The following CCSER1 variants were observed in gnomAD, a reference collection of about 807,000 sequenced individuals.
CCSER1 encodes the protein serine-rich coiled-coil domain-containing protein 1.
In CCSER1, 41 loss-of-function variants were observed where a neutral mutation model predicts 82.0. That is an observed-to-expected ratio of 0.50 (90% CI 0.39 to 0.65). The LOEUF (loss-of-function observed/expected upper bound fraction) is 0.65. Among genes scored for constraint, CCSER1 ranks in the 30% least tolerant of loss-of-function variants. CCSER1 has a pLI of 0.00. For synonymous variants in CCSER1, 414 were observed against 383.9 expected, an observed-to-expected ratio of 1.08 and a Z score of -0.92; for missense variants, 1,119 against 1,064.2, an observed-to-expected ratio of 1.05 and a Z score of -0.72.
rs569257026 is a variant in CCSER1, at chr4:90,826,760, A to G, written c.2094+10915A>G. Among the ~76,000 whole-genome samples the G allele has an allele frequency of 2.6e-5, 4 of 152,318 alleles. No homozygotes were observed. In the South Asian group the frequency reaches 8.3e-4, roughly 32 times the overall value. On this transcript the variant is annotated intron_variant, in intron 8 of 10. Transcript: ENST00000509176. ...GATTTATAAATTACAGAGAGATTACAAACATATTAGTGGTATAAAATAGGA... is the reference window on the plus strand; with the variant it reads ...GATTTATAAATTACAGAGAGATTACGAACATATTAGTGGTATAAAATAGGA...
chr4:91,095,604 A>ATGT (rs1724430096), intron 10 of CCSER1, among the ~76,000 whole-genome samples: 1 of 152,312 alleles, frequency 6.6e-6, no homozygotes, highest in Middle Eastern at 3.4e-3. Flanking sequence ...AACTAAGGCC[A>ATGT]TGTTAATCAT....
intron 10 of CCSER1, among the ~76,000 whole-genome samples, chr4:91,180,411 G>A (rs1191176478): frequency 6.6e-6 from 1 of 152,234 alleles, no homozygotes; most frequent in African/African-American, 2.4e-5. Flanking sequence ...CCCAGAGGTG[G>A]AGTCTACAGA....
chr4:90,864,638 T>TTA (rs1491116004), intron 8 of CCSER1, among the ~76,000 whole-genome samples: 1 of 152,024 alleles, frequency 6.6e-6, no homozygotes, highest in Non-Finnish European at 1.5e-5. Flanking sequence ...TGGTATTCTC[T>TTA]TATAGCAGCA....
At position 90,861,922 on chromosome 4, in the gene CCSER1, A is replaced by ATTTT. The variant is rs1265943061; in HGVS notation, c.2094+46078_2094+46079insTTTT. Among the ~76,000 whole-genome samples the ATTTT allele has an allele frequency of 9.7e-4, 99 of 102,244 alleles. 1 individual carries two copies. The South Asian group carries it at 0.01, about 11-fold the overall frequency. The allele number at this position is 102,244 out of a possible 152,430, so 67.1% of individuals were successfully genotyped here. ...TGATGACTCATATATATATATATAT[A>ATTTT]TATATTTTTTTTTTCTGTTAGACTA... On this transcript the variant is annotated intron_variant, in intron 8 of 10. Coordinates refer to ENST00000509176, the MANE Select transcript of CCSER1 (RefSeq NM_001145065.2).
Position 90,461,622 on chromosome 4 carries a change from A to G in CCSER1, c.1604-6612A>G, listed in dbSNP as rs73833398. Among the ~76,000 whole-genome samples the G allele has an allele frequency of 2.2e-3, 333 of 152,046 alleles. 1 individual carries two copies. The highest frequency in any genetic ancestry group is 7.6e-3 in the African/African-American group (314 of 41,452). ...ATATATAACATTTTCTCATATCTCA[A>G]TGCCTTTTAGCACACTCTTTCCTGT... On this transcript the variant is annotated intron_variant, in intron 4 of 10. Transcript: ENST00000509176.
intron 5 of CCSER1, among the ~76,000 whole-genome samples, chr4:90,600,836 A>C (rs1054320256): frequency 6.6e-6 from 1 of 152,024 alleles, no homozygotes. Context: ...ATTTAGTCTT[A>C]GTGTCCATGA....
At chr4:90,466,877 TAA>T (rs939729381) in intron 4 of CCSER1, among the ~76,000 whole-genome samples, 72 of 152,296 alleles carry the variant, frequency 4.7e-4, no homozygotes, top group African/African-American at 1.6e-3. Flanking sequence ...CCAATATAAA[TAA>T]GTTTGTGCAC....
At position 91,185,532 on chromosome 4, in the gene CCSER1, G is replaced by A. The variant is rs116733528; in HGVS notation, c.2217+99538G>A. On this transcript the variant is annotated intron_variant, in intron 10 of 10. Transcript: ENST00000509176. ...AGCATAAATCTACTGCAGTGCTACC[G>A]GCTGTGGCGGGAGACAGACATTGTA... Among the ~76,000 whole-genome samples, 1,007 of 152,288 alleles carry A rather than the reference G, an allele frequency of 6.6e-3. 6 individuals are homozygous for A. Among genetic ancestry groups the A allele is most frequent in the African/African-American group, 0.02 (852 of 41,564 alleles).
At chr4:91,241,605 C>T (rs548227745) in intron 10 of CCSER1, among the ~76,000 whole-genome samples, 120 of 152,160 alleles carry the variant, frequency 7.9e-4, no homozygotes, top group Non-Finnish European at 1.3e-3. Context: ...GGATTACAGA[C>T]ATGAGGCACC....
chr4:91,597,806 A>T (rs550095755), intron 10 of CCSER1, among the ~76,000 whole-genome samples: 1 of 152,028 alleles, frequency 6.6e-6, no homozygotes, highest in Non-Finnish European at 1.5e-5. Flanking sequence ...CTCAGTTTTT[A>T]CCTCAATGTG....
At chr4:91,468,556 A>C (rs1278114019) in intron 10 of CCSER1, among the ~76,000 whole-genome samples, 2 of 152,080 alleles carry the variant, frequency 1.3e-5, no homozygotes, top group African/African-American at 4.8e-5. Flanking sequence ...CCATAGGAAT[A>C]GTTTTTTTTG....
chr4:90,179,439 C>T (rs1733319671), intron 1 of CCSER1, among the ~76,000 whole-genome samples: 1 of 152,164 alleles, frequency 6.6e-6, no homozygotes, highest in Non-Finnish European at 1.5e-5. Flanking sequence ...GTAGCCTAGG[C>T]TGGAGTGCAG....
At chr4:90,447,776 T>C (rs9995681) in intron 4 of CCSER1, among the ~76,000 whole-genome samples, 456 of 152,258 alleles carry the variant, frequency 3.0e-3, no homozygotes, top group African/African-American at 0.011. Context: ...TCATAACAGC[T>C]GACACACATG....
At chr4:91,378,108 T>C (rs1280193597) in intron 10 of CCSER1, among the ~76,000 whole-genome samples, 2 of 152,216 alleles carry the variant, frequency 1.3e-5, no homozygotes, top group African/African-American at 4.8e-5. Context: ...CATTGGTCTA[T>C]ATCTCTGTTG....
At chr4:90,188,016 C>T (rs6829376) in intron 1 of CCSER1, among the ~76,000 whole-genome samples, 38,370 of 151,756 alleles carry the variant, frequency 0.25, 6,757 homozygotes, top group East Asian at 0.64. Flanking sequence ...TTTCCTACCA[C>T]GTATATTCAT....
intron 5 of CCSER1, among the ~76,000 whole-genome samples, chr4:90,567,205 T>A (rs1779505906): frequency 6.6e-6 from 1 of 152,132 alleles, no homozygotes; most frequent in Non-Finnish European, 1.5e-5. Flanking sequence ...CTTTCTCATT[T>A]TTTGATGTCG....
intron 5 of CCSER1, among the ~76,000 whole-genome samples, chr4:90,494,554 T>C (rs1438605413): frequency 6.6e-6 from 1 of 152,158 alleles, no homozygotes; most frequent in Non-Finnish European, 1.5e-5. Context: ...TCATGAGAGT[T>C]TGGTCACCTT....
At chr4:90,623,788 G>C (rs988308330) in intron 5 of CCSER1, among the ~76,000 whole-genome samples, 1 of 152,210 alleles carries the variant, frequency 6.6e-6, no homozygotes, top group Non-Finnish European at 1.5e-5. Flanking sequence ...TATTTGGAAA[G>C]GAAAAATGAA....
At chr4:91,418,718 T>C (rs531678414) in intron 10 of CCSER1, among the ~76,000 whole-genome samples, 2 of 152,156 alleles carry the variant, frequency 1.3e-5, no homozygotes, top group African/African-American at 4.8e-5. Flanking sequence ...ACTCATTTAC[T>C]ATGCTAGCCT....
Sources: allele counts gnomAD v4.1 joint callset (sites outside exome capture counted in the v4.1 genomes callset), GRCh38; gene constraint gnomAD v4.1.1; transcripts MANE v1.5; gene names NCBI Gene and HGNC (gene_info 2026-07-23, HGNC 2026-07-21).